The following AMPH variants were observed in gnomAD, a reference collection of about 807,000 sequenced individuals.
AMPH encodes the protein amphiphysin (Stiff-Mann syndrome with breast cancer 128kD autoantigen).
AMPH carries 49 observed loss-of-function variants against 99.1 expected under a neutral mutation model. That is an observed-to-expected ratio of 0.49 (90% CI 0.39 to 0.63). AMPH has a LOEUF of 0.63. AMPH is among the 20% of genes least tolerant of loss of function. The pLI is 0.00. For synonymous variants in AMPH, 314 were observed against 317.3 expected (o/e 0.99, Z 0.11); for missense variants, 759 against 863.4 (o/e 0.88, Z 1.52).
chr7:38,464,097 T>C (rs1227392287), intron 9 of AMPH: 4 of 1,289,596 alleles, frequency 3.1e-6, no homozygotes, highest in Non-Finnish European at 4.0e-6. Context: ...ACCACCTCAT[T>C]CTGCAGAGGA....
chr7:38,445,578 A>G (rs982468430), intron 11 of AMPH, among the ~76,000 whole-genome samples: 11 of 152,216 alleles, frequency 7.2e-5, no homozygotes, highest in Admixed American at 5.2e-4. Flanking sequence ...AAAAATAAAT[A>G]CACGAGAAAA....
chr7:38,622,436 T>G (rs1276314180), intron 1 of AMPH, among the ~76,000 whole-genome samples: 1 of 140,412 alleles, frequency 7.1e-6, no homozygotes, highest in South Asian at 2.2e-4. Context: ...TAACTATATA[T>G]TTGTATGTAT....
rs767991097 is a variant in AMPH at position 38,391,855 on chromosome 7, T to C, written c.1771A>G (p.Ile591Val). 1.5e-5 allele frequency: 25 copies of C among 1,612,914 alleles called. No individual in the cohort carries two copies. In the East Asian group the frequency reaches 4.9e-4, roughly 32 times the overall value. The change falls in exon 19 of 21, where the codon ATC (isoleucine) becomes GTC (valine). Residue 591 changes from isoleucine (I) to valine (V), a missense_variant. Ile to Val is a conservative substitution (Grantham distance 29, BLOSUM62 3). Transcript: ENST00000356264. ...TPELATEQKP[I>V]QDPQPTPSAP... ...GAAGGCGTGGGCTGAGGGTCCTGGATAGGCTTCTGCTCCGTAGCCAGCTCC... is the reference window on the plus strand; with the variant it reads ...GAAGGCGTGGGCTGAGGGTCCTGGACAGGCTTCTGCTCCGTAGCCAGCTCC...
intron 11 of AMPH, among the ~76,000 whole-genome samples, chr7:38,450,777 T>G (rs1269336631): frequency 6.6e-6 from 1 of 152,086 alleles, no homozygotes; most frequent in Non-Finnish European, 1.5e-5. Context: ...ACTTTTTATA[T>G]GGAAGAGGTC....
At chr7:38,447,612 A>G (rs1786839111) in intron 11 of AMPH, among the ~76,000 whole-genome samples, 1 of 152,276 alleles carries the variant, frequency 6.6e-6, no homozygotes, top group South Asian at 2.1e-4. Flanking sequence ...GAGCACACAC[A>G]CAACACATTT....
intron 1 of AMPH, among the ~76,000 whole-genome samples, chr7:38,614,533 G>A (rs146593079): frequency 7.2e-5 from 11 of 152,254 alleles, no homozygotes; most frequent in Admixed American, 3.9e-4. Flanking sequence ...TCGGCCCTTT[G>A]CCAATTGGTA....
intron 1 of AMPH, among the ~76,000 whole-genome samples, chr7:38,596,996 G>A (rs1460799494): frequency 6.6e-6 from 1 of 152,116 alleles, no homozygotes; most frequent in Non-Finnish European, 1.5e-5. Context: ...CCGGCCCATA[G>A]CAACAATGCA....
intron 5 of AMPH, among the ~76,000 whole-genome samples, chr7:38,486,419 A>C (rs1180336726): frequency 1.3e-5 from 2 of 152,002 alleles, no homozygotes; most frequent in Non-Finnish European, 2.9e-5. Context: ...ATCTTTAAGT[A>C]GTAAGGAGAT....
At chr7:38,512,937 C>T (rs1036137230) in intron 2 of AMPH, among the ~76,000 whole-genome samples, 2 of 152,142 alleles carry the variant, frequency 1.3e-5, no homozygotes, top group Non-Finnish European at 2.9e-5. Context: ...AGTAGGCAGA[C>T]TTACTTGCCA....
At chr7:38,441,888 T>TATATATCATATATATCATATATCATAC (rs1554336961) in intron 11 of AMPH, among the ~76,000 whole-genome samples, 1 of 81,568 alleles carries the variant, frequency 1.2e-5, no homozygotes, top group South Asian at 3.9e-4. Flanking sequence ...ATCATATACA[T>TATATATCATATATATCATATATCATAC]ACACACACAC....
intron 1 of AMPH, among the ~76,000 whole-genome samples, chr7:38,563,568 T>C (rs1262536662): frequency 1.3e-5 from 2 of 152,190 alleles, no homozygotes. Flanking sequence ...TGAGCTACAG[T>C]CTTTCTCTTG....
intron 17 of AMPH, among the ~76,000 whole-genome samples, chr7:38,408,750 C>CAAA (rs66957354): frequency 9.9e-6 from 1 of 100,722 alleles, no homozygotes; most frequent in African/African-American, 3.7e-5. Flanking sequence ...GACTCCATCA[C>CAAA]AAAAAAAAAA....
rs1166780255 is a variant in AMPH at position 38,530,521 on chromosome 7, C to A, written c.150+4410G>T. Among the ~76,000 whole-genome samples, 3 of 152,144 alleles carry A rather than the reference C, an allele frequency of 2.0e-5. No individual in the cohort carries two copies. In the East Asian group the frequency reaches 5.8e-4, roughly 29 times the overall value. ...TTGAACTATTGTTCTTAGATGGGAC[C>A]TGGATGAGGGTGCTCCCACCTGCAC... is the stretch of plus-strand genomic sequence containing the variant. On this transcript the variant is annotated intron_variant, in intron 2 of 20. Transcript: ENST00000356264.
chr7:38,387,067 G>C (rs1441416687), intron 20 of AMPH, among the ~76,000 whole-genome samples: 1 of 152,110 alleles, frequency 6.6e-6, no homozygotes, highest in Admixed American at 6.5e-5. Context: ...TGCATAAAGG[G>C]TACAGACCCA....
intron 11 of AMPH, among the ~76,000 whole-genome samples, chr7:38,441,770 GATATATATCATATATCTGTC>G (rs1786527782): frequency 3.5e-5 from 3 of 85,844 alleles, no homozygotes; most frequent in Non-Finnish European, 4.8e-5. Context: ...TCATATATAT[GATATATATCATATATCTGTC>G]ATATATATCA....
At chr7:38,454,487 T>C (rs1216829557) in intron 11 of AMPH, among the ~76,000 whole-genome samples, 2 of 151,554 alleles carry the variant, frequency 1.3e-5, no homozygotes, top group African/African-American at 2.4e-5. Context: ...ATAGTTTCAG[T>C]GACACTAGAG....
intron 17 of AMPH, among the ~76,000 whole-genome samples, chr7:38,400,724 T>C (rs1212935243): frequency 6.6e-6 from 1 of 152,226 alleles, no homozygotes; most frequent in Non-Finnish European, 1.5e-5. Flanking sequence ...ATTCACTCAT[T>C]TATTTACTTA....
At position 38,454,627 on chromosome 7, in the gene AMPH, G is replaced by A. The variant is rs550613281; in HGVS notation, c.1017+6656C>T. On this transcript the variant is annotated intron_variant, in intron 11 of 20. Transcript: ENST00000356264. ...AACCCAGGTATATTCAAAATCAGTAGGAACACTGACTTTCATTTGCCAATT... is the reference window on the plus strand; with the variant it reads ...AACCCAGGTATATTCAAAATCAGTAAGAACACTGACTTTCATTTGCCAATT... Among the ~76,000 whole-genome samples, 19 of 152,048 alleles carry A rather than the reference G, an allele frequency of 1.2e-4. 1 individual carries two copies. Among genetic ancestry groups the A allele is most frequent in the African/African-American group, 4.6e-4 (19 of 41,508 alleles).
In AMPH at chr7:38,463,153, G is replaced by C. The variant is rs201240512; in HGVS notation, c.750-40C>G. 2.6e-4 allele frequency: 427 copies of C among 1,613,698 alleles called. 1 individual carries two copies. The African/African-American group carries it at 5.1e-3, about 19-fold the overall frequency. On this transcript the variant is annotated intron_variant, in intron 9 of 20. Transcript: ENST00000356264. ...GGGATTGGGCAAGGGGCCTTCTCAA[G>C]AACAGTATTCATCTAATCAGGGGTT...
Sources: gnomAD v4.1 joint callset for allele counts (sites outside exome capture counted in the v4.1 genomes callset) on GRCh38, gnomAD v4.1.1 for gene constraint, MANE v1.5 for transcripts, NCBI Gene and HGNC (gene_info 2026-07-23, HGNC 2026-07-21) for gene names.